Variants in ANXA8 observed in about 807,000 individuals in gnomAD.
The protein encoded by ANXA8 is VAC-beta.
Under a neutral mutation model 26.8 loss-of-function variants are expected in ANXA8, and 9 were observed. The ratio of observed to expected loss-of-function variants is 0.34; its 90% CI spans 0.20 to 0.59. The LOEUF (loss-of-function observed/expected upper bound fraction) is 0.59. Among genes scored for constraint, ANXA8 ranks in the 20% least tolerant of loss-of-function variants. The pLI, the probability that ANXA8 is intolerant of heterozygous loss-of-function variation, is 0.84. For missense variants in ANXA8, 83 were observed against 238.5 expected, an observed-to-expected ratio of 0.35 and a Z score of 4.29; for synonymous variants, 39 against 94.8, an observed-to-expected ratio of 0.41 and a Z score of 3.42.
At chr10:47,704,958 T>C in the ANXA8 span, among the ~76,000 whole-genome samples, 66 of 152,232 alleles carry the variant, frequency 4.3e-4, no homozygotes, top group Non-Finnish European at 7.8e-4. Context: ...ATTCAGTGCA[T>C]GTTCCATAAA....
chr10:47,898,858 C>G, the ANXA8 span, among the ~76,000 whole-genome samples: 4 of 128,566 alleles, frequency 3.1e-5, no homozygotes, highest in African/African-American at 1.2e-4. Flanking sequence ...TGGTCTCGCT[C>G]TGTCTCCCAG....
At chr10:47,657,494 T>C in the ANXA8 span, among the ~76,000 whole-genome samples, 1 of 151,890 alleles carries the variant, frequency 6.6e-6, no homozygotes, top group African/African-American at 2.4e-5. Flanking sequence ...TTACTATAGC[T>C]GTGGCCTTAC....
At chr10:47,662,535 C>T in the ANXA8 span, among the ~76,000 whole-genome samples, 1 of 151,806 alleles carries the variant, frequency 6.6e-6, no homozygotes, top group Non-Finnish European at 1.5e-5. Context: ...CTTTGCTCTT[C>T]CTTAGTAAAT....
At chr10:47,755,597 G>A in the ANXA8 span, among the ~76,000 whole-genome samples, 4 of 108,568 alleles carry the variant, frequency 3.7e-5, no homozygotes, top group Admixed American at 1.4e-4. Flanking sequence ...CAGCAGCCTC[G>A]CCTCCTGGGT....
the ANXA8 span, among the ~76,000 whole-genome samples, chr10:47,695,808 G>A: frequency 6.6e-6 from 1 of 151,638 alleles, no homozygotes; most frequent in South Asian, 2.1e-4. Context: ...TCTACCTGTT[G>A]GTATGTTTAG....
At chr10:47,558,380 C>T in the ANXA8 span, among the ~76,000 whole-genome samples, 8 of 151,890 alleles carry the variant, frequency 5.3e-5, no homozygotes, top group South Asian at 2.1e-4. Context: ...ACCTGTGTAC[C>T]GAGCCCATTC....
the ANXA8 span, among the ~76,000 whole-genome samples, chr10:47,560,366 A>C: frequency 6.6e-6 from 1 of 151,858 alleles, no homozygotes; most frequent in South Asian, 2.1e-4. Flanking sequence ...GCTCTAAAAG[A>C]GCAATGAAAA....
the ANXA8 span, among the ~76,000 whole-genome samples, chr10:47,733,221 CTCTTTCTTTCTCTCTTTCTTTCTTTCTT>C: frequency 9.3e-4 from 54 of 58,248 alleles, no homozygotes; most frequent in South Asian, 4.9e-3. Flanking sequence ...TTCTTTCTTT[CTCTTTCTTTCTCTCTTTCTTTCTTTCTT>C]TCTTTCTTTC....
chr10:47,925,802 C>T, the ANXA8 span, among the ~76,000 whole-genome samples: 10 of 148,360 alleles, frequency 6.7e-5, no homozygotes, highest in East Asian at 8.0e-4. Flanking sequence ...GTTCTGGGAA[C>T]GTCTCTAAAA....
the ANXA8 span, among the ~76,000 whole-genome samples, chr10:47,688,180 G>A: frequency 3.4e-5 from 5 of 146,506 alleles, no homozygotes; most frequent in African/African-American, 7.6e-5. Context: ...TGCAATGTCC[G>A]CCTCTCAGGC....
the ANXA8 span, among the ~76,000 whole-genome samples, chr10:47,699,344 C>CAAAAAAA: frequency 1.1e-3 from 61 of 53,848 alleles, no homozygotes; most frequent in South Asian, 2.3e-3. Context: ...ATTCTGTCTC[C>CAAAAAAA]AAAAAAAAAA....
chr10:47,624,064 G>A, the ANXA8 span, among the ~76,000 whole-genome samples: 1 of 97,380 alleles, frequency 1.0e-5, no homozygotes, highest in Non-Finnish European at 2.1e-5. Flanking sequence ...GTGAAACCCG[G>A]TCTCTACTAA....
At chr10:47,543,540 A>G in the ANXA8 span, 1 of 375,608 alleles carries the variant, frequency 2.7e-6, no homozygotes, top group Non-Finnish European at 4.4e-6. Flanking sequence ...ACAAGAGAAT[A>G]CCTGGCATGT....
the ANXA8 span, chr10:47,563,635 T>C: frequency 1.1e-6 from 1 of 896,494 alleles, no homozygotes. Context: ...TGAGTGTAGA[T>C]GAAGTAAAAG....
At chr10:47,686,036 G>A in the ANXA8 span, among the ~76,000 whole-genome samples, 5 of 150,320 alleles carry the variant, frequency 3.3e-5, no homozygotes, top group African/African-American at 1.2e-4. Flanking sequence ...AATGACTCGG[G>A]GACTTTATTA....
At chr10:47,553,855 T>C in the ANXA8 span, among the ~76,000 whole-genome samples, 13 of 148,652 alleles carry the variant, frequency 8.7e-5, no homozygotes, top group Admixed American at 2.7e-4. Flanking sequence ...GGAGACACAT[T>C]TGGTTCTGGC....
chr10:47,714,394 G>A, the ANXA8 span, among the ~76,000 whole-genome samples: 1 of 140,952 alleles, frequency 7.1e-6, no homozygotes, highest in African/African-American at 2.6e-5. Flanking sequence ...TAGTAAATTA[G>A]ATTTATGGCC....
At chr10:47,483,347 A>T (rs1337659806) in intron 1 of ANXA8, among the ~76,000 whole-genome samples, 4 of 133,928 alleles carry the variant, frequency 3.0e-5, no homozygotes, top group African/African-American at 9.3e-5. Flanking sequence ...CACTTCTCTT[A>T]AGGTAAAGCC....
the ANXA8 span, among the ~76,000 whole-genome samples, chr10:47,765,642 C>A: frequency 1.0e-4 from 15 of 148,110 alleles, no homozygotes; most frequent in Admixed American, 2.7e-4. Flanking sequence ...GTCCTGACAG[C>A]TGTTCCTCCT....
Sources: gnomAD v4.1 joint callset for allele counts (sites outside exome capture counted in the v4.1 genomes callset) on GRCh38, gnomAD v4.1.1 for gene constraint, MANE v1.5 for transcripts, NCBI Gene and HGNC (gene_info 2026-07-23, HGNC 2026-07-21) for gene names.